VPS8: variants seen among roughly 807,000 people sequenced by gnomAD.
VPS8 encodes the protein VPS8 subunit of CORVET complex.
VPS8 carries 129 observed loss-of-function variants against 216.4 expected under a neutral mutation model. The observed-to-expected ratio is 0.60, with a 90% CI of 0.52 to 0.69. The LOEUF is 0.69. Among genes scored for constraint, VPS8 ranks in the 30% least tolerant of loss-of-function variants. The pLI is 0.00. For synonymous variants in VPS8, 571 were observed against 565.4 expected, an observed-to-expected ratio of 1.01 and a Z score of -0.14; for missense variants, 1,531 against 1,683.5, an observed-to-expected ratio of 0.91 and a Z score of 1.59.
intron 45 of VPS8, among the ~76,000 whole-genome samples, chr3:185,004,464 ACCGTGGAAAGAGAGGGAGAGGGAG>A (rs1167023112): frequency 1.0e-4 from 15 of 149,468 alleles, no homozygotes; most frequent in African/African-American, 3.6e-4. Flanking sequence ...TCAGAGGGAG[ACCGTGGAAAGAGAGGGAGAGGGAG>A]ACCGTGGGGA....
intron 25 of VPS8, among the ~76,000 whole-genome samples, chr3:184,902,823 C>G (rs1734800726): frequency 7.1e-6 from 1 of 140,876 alleles, no homozygotes; most frequent in African/African-American, 2.8e-5. Context: ...GAGTGAGATG[C>G]TGTCTCAAAA....
intron 45 of VPS8, among the ~76,000 whole-genome samples, chr3:185,014,070 G>T (rs1755430472): frequency 6.6e-6 from 1 of 152,120 alleles, no homozygotes; most frequent in African/African-American, 2.4e-5. Context: ...CTGTGTCATA[G>T]AGTGATTACA....
intron 35 of VPS8, among the ~76,000 whole-genome samples, 180 bp downstream of exon 35, chr3:184,936,515 CTGTGTGTGTGTGTGTGTG>C (rs59011109): frequency 2.8e-4 from 33 of 119,440 alleles, no homozygotes; most frequent in East Asian, 5.3e-4. Context: ...CAACCTAATA[CTGTGTGTGTGTGTGTGTG>C]TGTGTGTGTG....
chr3:184,844,730 A>G (rs553650908), intron 8 of VPS8, among the ~76,000 whole-genome samples: 13 of 152,242 alleles, frequency 8.5e-5, no homozygotes, highest in Admixed American at 2.0e-4. Flanking sequence ...GATCTACTCT[A>G]AGCAAAGTGT....
rs562562263 is a variant in VPS8, at chr3:185,012,665, A to T, written c.4003-11671A>T. Among the ~76,000 whole-genome samples the T allele has an allele frequency of 4.8e-5, 7 of 145,936 alleles. No individual in the cohort carries two copies. The East Asian group carries it at 5.9e-4, about 12-fold the overall frequency. ...AAGAATGATGGCTGATTTCTCATTT[A>T]AAAAAAAAAAGAGGCCAGAAGACAA... On this transcript the variant is annotated intron_variant, in intron 45 of 47. Transcript: ENST00000625842.
chr3:184,959,023 C>T (rs893495519), intron 37 of VPS8, among the ~76,000 whole-genome samples: 5 of 152,086 alleles, frequency 3.3e-5, no homozygotes, highest in African/African-American at 4.8e-5. Context: ...TCAGAGTAGA[C>T]CTTTAAAAGT....
At chr3:185,013,754 G>A (rs558466226) in intron 45 of VPS8, among the ~76,000 whole-genome samples, 31 of 152,280 alleles carry the variant, frequency 2.0e-4, no homozygotes, top group Non-Finnish European at 3.5e-4. Flanking sequence ...AACTCTTACC[G>A]TACTTCTTAC....
intron 12 of VPS8, 28 bp from the exon 13 acceptor site, chr3:184,854,086 A>G (rs770351579): frequency 4.2e-5 from 67 of 1,613,358 alleles, no homozygotes; most frequent in Non-Finnish European, 4.7e-5. Context: ...TCCAAGGTCA[A>G]TATTGAAAAC....
intron 42 of VPS8, among the ~76,000 whole-genome samples, chr3:184,990,924 CGT>C (rs771663195): frequency 7.1e-4 from 22 of 30,974 alleles, no homozygotes; most frequent in Non-Finnish European, 2.9e-3. Flanking sequence ...CAAATTACAC[CGT>C]TTTTTTTTTT....
At chr3:185,042,596 T>C (rs771158577) in intron 46 of VPS8, among the ~76,000 whole-genome samples, 7 of 152,152 alleles carry the variant, frequency 4.6e-5, no homozygotes, top group Non-Finnish European at 1.0e-4. Flanking sequence ...CGTTACATTG[T>C]GGGTGGCAGC....
At chr3:184,865,604 G>T (rs978893933) in intron 16 of VPS8, among the ~76,000 whole-genome samples, 7 of 152,184 alleles carry the variant, frequency 4.6e-5, no homozygotes, top group Admixed American at 4.6e-4. Flanking sequence ...TGTTGGCAAG[G>T]ATGTGGCGAT....
intron 46 of VPS8, among the ~76,000 whole-genome samples, chr3:185,027,346 C>G (rs1221597065): frequency 6.6e-6 from 1 of 150,580 alleles, no homozygotes; most frequent in East Asian, 2.0e-4. Flanking sequence ...GGGTTCACGC[C>G]ATTCTCCTGC....
chr3:184,885,846 T>C, intron 21 of VPS8: 1 of 317,336 alleles, frequency 3.2e-6, no homozygotes, highest in Non-Finnish European at 5.8e-6. Flanking sequence ...CTCCCTCTGT[T>C]AGAAAGATGC....
chr3:185,013,226 ATTTCGT>A (rs537210254), intron 45 of VPS8, among the ~76,000 whole-genome samples: 44 of 152,218 alleles, frequency 2.9e-4, no homozygotes, highest in African/African-American at 7.9e-4. Flanking sequence ...TGCTGCAGAG[ATTTCGT>A]TTATGGCCAG....
At chr3:184,842,645 A>G (rs2108609084) in intron 7 of VPS8, among the ~76,000 whole-genome samples, 1 of 152,348 alleles carries the variant, frequency 6.6e-6, no homozygotes, top group East Asian at 1.9e-4. Context: ...GGCCTGGGTT[A>G]GATCTCATCT....
At position 184,915,375 on chromosome 3, in the gene VPS8, C is replaced by T; in HGVS notation, c.2283C>T (p.Arg761=). Residue 761 remains arginine, a synonymous_variant, in exon 28 of 48, where the codon CGC becomes CGT. Coordinates refer to ENST00000625842, the MANE Select transcript of VPS8 (RefSeq NM_001009921.3). The part of the protein sequence containing the change: ...VKNQVFEFLI[R]LHSAEASPEE... ...TGCAGGTTTTTGAATTTCTAATTCG[C>T]CTGCATTCAGCAGAGGCTTCTCCTG... is the stretch of plus-strand genomic sequence containing the variant. 6.2e-7 allele frequency: 1 copy of T among 1,612,998 alleles called. No homozygotes were observed. The highest frequency in any genetic ancestry group is 8.5e-7 in the Non-Finnish European group (1 of 1,179,552).
rs191166669 is a variant in VPS8 at position 184,953,777 on chromosome 3, T to C, written c.3036-3597T>C. 2.3e-3 allele frequency among the ~76,000 whole-genome samples: 353 copies of C among 152,350 alleles called. 2 individuals carry two copies. Among genetic ancestry groups the C allele is most frequent in the East Asian group, 6.2e-3 (32 of 5,192 alleles). ...CATTTACTTCTAAAGACTAGCTAGA[T>C]GCCTGGAATTTCCCTCGAAGAGATT... On this transcript the variant is annotated intron_variant, in intron 36 of 47. Coordinates refer to ENST00000625842, the MANE Select transcript of VPS8 (RefSeq NM_001009921.3).
At chr3:184,845,443 A>G (rs1468879666) in intron 8 of VPS8, among the ~76,000 whole-genome samples, 1 of 152,186 alleles carries the variant, frequency 6.6e-6, no homozygotes, top group African/African-American at 2.4e-5. Context: ...GTTTGTTAAC[A>G]TGGTACTATA....
chr3:184,849,700 A>T, intron 9 of VPS8: 1 of 513,732 alleles, frequency 1.9e-6, no homozygotes, highest in Non-Finnish European at 3.4e-6. Flanking sequence ...TCAGTATGAG[A>T]ACAACATTTA....
Sources: gnomAD v4.1 joint callset for allele counts (sites outside exome capture counted in the v4.1 genomes callset) on GRCh38, gnomAD v4.1.1 for gene constraint, MANE v1.5 for transcripts, NCBI Gene and HGNC (gene_info 2026-07-23, HGNC 2026-07-21) for gene names.